Variants in NANOS3 observed in about 807,000 individuals in gnomAD.
NANOS3 encodes nanos homolog 3.
NANOS3 carries 11 observed loss-of-function variants against 13.8 expected under a neutral mutation model. The observed-to-expected ratio is 0.80, with a 90% CI of 0.50 to 1.32. The LOEUF (loss-of-function observed/expected upper bound fraction) is 1.32. Among genes scored for constraint, NANOS3 ranks in the 40% most tolerant of loss-of-function variants. The pLI is 0.00. For synonymous variants in NANOS3, 119 were observed against 115.4 expected (o/e 1.03, Z -0.20); for missense variants, 221 against 263.8 (o/e 0.84, Z 1.12).
chr19:13,876,454 C>G (rs895757785), upstream of NANOS3, among the ~76,000 whole-genome samples: 33 of 152,224 alleles, frequency 2.2e-4, no homozygotes, highest in African/African-American at 8.0e-4. Context: ...GCCACCACTC[C>G]CTGGCCTGGT....
chr19:13,877,479 C>G lies in NANOS3; in HGVS notation c.231C>G (p.Cys77Trp). 1 of 1,611,714 alleles carries G rather than the reference C, an allele frequency of 6.2e-7. No individual in the cohort carries two copies. Among genetic ancestry groups the G allele is most frequent in the Non-Finnish European group, 8.5e-7 (1 of 1,179,986 alleles). ...CCTCGCCAGCTCCCGAACGCCTGTG[C>G]TCTTTCTGCAAACACAACGGCGAGT... ...LESSPAPERL[C>W]SFCKHNGESR... Residue 77 changes from cysteine to tryptophan, a missense_variant, in exon 1 of 2, where the codon TGC becomes TGG. By Grantham distance (215) the Cys-to-Trp change is radical. Transcript: ENST00000339133.
chr19:13,879,901 C>T (rs187121130), intron 1 of NANOS3, among the ~76,000 whole-genome samples: 100 of 152,234 alleles, frequency 6.6e-4, no homozygotes, highest in African/African-American at 2.2e-3. Context: ...TGGCATGCGC[C>T]TGTAATCCCT....
rs1454289149 is a variant in NANOS3 at position 13,877,207 on chromosome 19, T to C, written c.-42T>C. On this transcript the variant is annotated 5_prime_UTR_variant, in exon 1 of 2. Coordinates refer to ENST00000339133, the MANE Select transcript of NANOS3 (RefSeq NM_001098622.3). Reference sequence around the variant, plus strand: ...GGGAGCTTAAGCCAGGCAGGGTTACTTGTCTCTGTGACTCCTTCCGCCTGG... The same window carrying C: ...GGGAGCTTAAGCCAGGCAGGGTTACCTGTCTCTGTGACTCCTTCCGCCTGG... The C allele has an allele frequency of 6.5e-7, 1 of 1,544,676 alleles. No individual in the cohort carries two copies.
chr19:13,877,095 C>G (rs922324272), upstream of NANOS3, among the ~76,000 whole-genome samples: 1 of 152,168 alleles, frequency 6.6e-6, no homozygotes, highest in African/African-American at 2.4e-5. Flanking sequence ...CTTCACACCC[C>G]CTTGGAGGTA....
At chr19:13,874,950 G>T (rs775597690), upstream of NANOS3, 8 of 530,732 alleles carry the variant, frequency 1.5e-5, no homozygotes, top group Non-Finnish European at 2.7e-5. Flanking sequence ...ACTGAGGCCA[G>T]ACCCACCGGG....
At chr19:13,872,359 AAAGAGAG>A (rs1976341330), upstream of NANOS3, among the ~76,000 whole-genome samples, 1 of 140,026 alleles carries the variant, frequency 7.1e-6, no homozygotes, top group Non-Finnish European at 1.6e-5. Flanking sequence ...AAAAAAAAAA[AAAGAGAG>A]AGAGAGAGAG....
intron 1 of NANOS3, among the ~76,000 whole-genome samples, chr19:13,871,990 C>A (rs1976334697): frequency 6.6e-6 from 1 of 151,700 alleles, no homozygotes; most frequent in Admixed American, 6.6e-5. Context: ...CAGAGCGAGA[C>A]CCCGTCTCAA....
chr19:13,873,473 C>T (rs1968437271), upstream of NANOS3, among the ~76,000 whole-genome samples: 1 of 152,012 alleles, frequency 6.6e-6, no homozygotes, highest in Admixed American at 6.6e-5. Context: ...CAGGAAATTA[C>T]TTATTTTTTT....
upstream of NANOS3, among the ~76,000 whole-genome samples, chr19:13,864,431 T>C (rs187440193): frequency 6.6e-6 from 1 of 152,262 alleles, no homozygotes; most frequent in Non-Finnish European, 1.5e-5. Context: ...TGCATGTGGC[T>C]GTTGGCTGTG....
In NANOS3 at chr19:13,877,160, C is replaced by A; in HGVS notation, c.-89C>A. 9.0e-7 allele frequency: 1 copy of A among 1,108,458 alleles called. No individual in the cohort carries two copies. Among genetic ancestry groups the A allele is most frequent in the Non-Finnish European group, 1.3e-6 (1 of 761,144 alleles). 68.7% of individuals were successfully genotyped at this position (1,108,458 alleles called of 1,614,324 possible). A position where few individuals can be genotyped will look rare whatever the true frequency, so the allele number is the denominator to read the frequency against. ...GGCTCCAGAGAGGGGAAGGAAGGGG[C>A]AGCAGAGAGGGGTCAGAAGGAGGGA... On this transcript the variant is annotated 5_prime_UTR_variant, in exon 1 of 2. Transcript: ENST00000339133.
upstream of NANOS3, among the ~76,000 whole-genome samples, chr19:13,864,030 CAG>C (rs1212138338): frequency 6.6e-6 from 1 of 152,076 alleles, no homozygotes; most frequent in African/African-American, 2.4e-5. Context: ...GATAAATAAA[CAG>C]AATGAGAAAT....
chr19:13,863,098 C>T (rs1976181502), upstream of NANOS3, among the ~76,000 whole-genome samples: 1 of 152,214 alleles, frequency 6.6e-6, no homozygotes, highest in Admixed American at 6.5e-5. Flanking sequence ...GGCTCATACA[C>T]GTCTATGAGT....
chr19:13,874,642 C>T (rs1376869069), upstream of NANOS3: 7 of 506,114 alleles, frequency 1.4e-5, no homozygotes, highest in East Asian at 5.7e-5. Flanking sequence ...CTCTCCTCCT[C>T]TCCCTCTTCA....
At chr19:13,870,866 C>A (rs1396091207) in intron 1 of NANOS3, among the ~76,000 whole-genome samples, 8 of 151,910 alleles carry the variant, frequency 5.3e-5, no homozygotes, top group Admixed American at 5.3e-4. Context: ...AGGAATGAGC[C>A]ACCGTGCCCG....
upstream of NANOS3, among the ~76,000 whole-genome samples, chr19:13,864,609 T>A (rs957721279): frequency 6.6e-6 from 1 of 152,084 alleles, no homozygotes; most frequent in African/African-American, 2.4e-5. Context: ...GCTGTGTACC[T>A]GGGGTACTGT....
intron 1 of NANOS3, among the ~76,000 whole-genome samples, chr19:13,866,888 T>TAC (rs538019819): frequency 1.3e-5 from 2 of 151,292 alleles, no homozygotes; most frequent in Non-Finnish European, 3.0e-5. Context: ...CACACACACA[T>TAC]ACACACACAC....
At chr19:13,879,065 G>A (rs964714605) in intron 1 of NANOS3, among the ~76,000 whole-genome samples, 1 of 151,946 alleles carries the variant, frequency 6.6e-6, no homozygotes. Flanking sequence ...TCAGCCTCCC[G>A]AGTAGCTGGG....
At chr19:13,865,666 G>T (rs942266430) in intron 1 of NANOS3, among the ~76,000 whole-genome samples, 2 of 151,148 alleles carry the variant, frequency 1.3e-5, no homozygotes, top group Non-Finnish European at 3.0e-5. Flanking sequence ...TTTCCGGAGA[G>T]GGGGCGCCGG....
chr19:13,868,679 CT>C (rs1194587632), intron 1 of NANOS3, among the ~76,000 whole-genome samples: 2 of 104,300 alleles, frequency 1.9e-5, no homozygotes, highest in East Asian at 3.2e-4. Context: ...GACCTAGTCT[CT>C]TTTAAAAAAA....
Sources: allele counts gnomAD v4.1 joint callset (sites outside exome capture counted in the v4.1 genomes callset), GRCh38; gene constraint gnomAD v4.1.1; transcripts MANE v1.5; gene names NCBI Gene and HGNC (gene_info 2026-07-23, HGNC 2026-07-21).